Variants in CEP192 observed in about 807,000 individuals in gnomAD.
CEP192 encodes the protein centrosomal protein 192, also known as centrosomal protein of 192 kDa.
A neutral mutation model predicts 271.8 loss-of-function variants in CEP192; 151 were observed. That is an observed-to-expected ratio of 0.56 (90% confidence interval 0.49 to 0.64). The LOEUF is 0.64. Among genes scored for constraint, CEP192 ranks in the 30% least tolerant of loss-of-function variants. CEP192 has a pLI of 0.00. For missense variants in CEP192, 2,910 were observed against 3,020.5 expected (o/e 0.96, Z 0.86); for synonymous variants, 995 against 1,076.5 (o/e 0.92, Z 1.48).
chr18:13,076,945 G>A (rs1015731302), intron 30 of CEP192, among the ~76,000 whole-genome samples: 6 of 152,052 alleles, frequency 3.9e-5, no homozygotes, highest in Non-Finnish European at 8.8e-5. Context: ...CACCACACCC[G>A]GCTAATTTTT....
Position 13,057,590 on chromosome 18 carries a change from G to T in CEP192, c.4114G>T (p.Val1372Phe). 1.2e-6 allele frequency: 2 copies of T among 1,614,020 alleles called. No homozygotes were observed. Among genetic ancestry groups the T allele is most frequent in the Non-Finnish European group, 1.7e-6 (2 of 1,179,948 alleles). The change falls in exon 20 of 45, where the codon GTC becomes TTC. Residue 1372 changes from valine to phenylalanine, a missense_variant. Transcript: ENST00000506447. The part of the protein sequence containing the change: ...DSGVTSGLGS[V>F]RVPEELKLPH... ...TGTGCCTTATTCTCACCCAGGGAGT[G>T]TCCGAGTGCCCGAGGAGTTGAAGCT...
intron 40 of CEP192, among the ~76,000 whole-genome samples, chr18:13,105,787 C>A (rs1054778405): frequency 6.6e-6 from 1 of 152,144 alleles, no homozygotes; most frequent in African/African-American, 2.4e-5. Flanking sequence ...AGTTCATTCC[C>A]CAAACCACAA....
At position 13,030,380 on chromosome 18, in the gene CEP192, A is replaced by T. The variant is rs1470421150; in HGVS notation, c.1391-85A>T. On this transcript the variant is annotated intron_variant, in intron 10 of 44. Transcript: ENST00000506447. The stretch of plus-strand genomic sequence containing the variant: ...AGTACTGTTGATAACTAAGGTAGTC[A>T]TCTGAATTTAAAAAAAATTGAGAAT... 3 of 1,208,414 alleles carry T rather than the reference A, an allele frequency of 2.5e-6. No homozygotes were observed. In the African/African-American group the frequency reaches 4.6e-5, roughly 19 times the overall value. 74.9% of individuals were successfully genotyped at this position (1,208,414 alleles called of 1,614,324 possible). A position where few individuals can be genotyped will look rare whatever the true frequency, so the allele number is the denominator to read the frequency against.
At chr18:12,996,358 A>G (rs964861095) in intron 1 of CEP192, among the ~76,000 whole-genome samples, 2 of 151,814 alleles carry the variant, frequency 1.3e-5, no homozygotes, top group Non-Finnish European at 2.9e-5. Flanking sequence ...TAGGTGTTGG[A>G]GTTGTCATTT....
At position 13,018,537 on chromosome 18, in the gene CEP192, AT is replaced by A; in HGVS notation, c.850del (p.Ser284ProfsTer29). 6.5e-7 allele frequency: 1 copy of A among 1,541,988 alleles called. No homozygotes were observed. ...KFQSENNSSL[I>X]SLDSHSSETT... is the part of the protein sequence containing the mutation. ...TCAATCAGAAAATAACAGCTCTCTG[AT>A]TTCCCTCGACTCACACTCTTCTGAA... On this transcript the variant is annotated frameshift_variant, in exon 8 of 45. Transcript: ENST00000506447. LOFTEE classifies it high-confidence loss of function.
Position 13,089,475 on chromosome 18 carries a change from G to T in CEP192, c.6013G>T (p.Glu2005Ter). The T allele has an allele frequency of 6.3e-7, 1 of 1,594,338 alleles. No individual in the cohort carries two copies. The highest frequency in any genetic ancestry group is 8.6e-7 in the Non-Finnish European group (1 of 1,168,322). Reference protein sequence around the residue: ...QYRRALLHKPEMIKQILPEHS... With the variant: ...QYRRALLHKP ...TGGCAGGGCCCTGTTACATAAACCA[G>T]AGATGATAAAACAGATACTTCCAGA... The change falls in exon 33 of 45, where the codon GAG becomes TAG. Residue 2005 changes from glutamate to a stop codon, truncating the protein, a stop_gained. Transcript: ENST00000506447. LOFTEE classifies it high-confidence loss of function.
At chr18:13,000,828 C>G (rs1160061095) in intron 2 of CEP192, among the ~76,000 whole-genome samples, 1 of 152,186 alleles carries the variant, frequency 6.6e-6, no homozygotes, top group Non-Finnish European at 1.5e-5. Context: ...TGGCGCACGC[C>G]TCTAATCCCA....
intron 21 of CEP192, among the ~76,000 whole-genome samples, chr18:13,060,737 A>G (rs2037365191): frequency 6.6e-6 from 1 of 152,060 alleles, no homozygotes; most frequent in African/African-American, 2.4e-5. Context: ...AGCCTGGACA[A>G]CATAGTGAGA....
In CEP192 at chr18:13,096,293, A is replaced by G. The variant is rs1406104376; in HGVS notation, c.6543A>G (p.Gly2181=). 3 of 1,613,570 alleles carry G rather than the reference A, an allele frequency of 1.9e-6. No individual in the cohort carries two copies. The highest frequency in any genetic ancestry group is 4.5e-5 in the East Asian group (2 of 44,858). ...AHCLTVTPQH[G]CVAPESKLQI... is the part of the protein sequence containing the mutation. ...GCCTCACAGTCACGCCGCAGCATGG[A>G]TGTGTCGCGCCAGAGTAAGTCTGAC... The change falls in exon 36 of 45, where the codon GGA becomes GGG. Residue 2181 remains glycine, a synonymous_variant. Coordinates refer to ENST00000506447, the MANE Select transcript of CEP192 (RefSeq NM_032142.4).
chr18:13,064,032 G>A (rs2037554153), intron 21 of CEP192, among the ~76,000 whole-genome samples: 1 of 151,578 alleles, frequency 6.6e-6, no homozygotes, highest in Non-Finnish European at 1.5e-5. Context: ...TATTGGCCAG[G>A]CTGGTCTTGA....
intron 21 of CEP192, among the ~76,000 whole-genome samples, chr18:13,063,433 A>G (rs2037514857): frequency 6.6e-6 from 1 of 152,164 alleles, no homozygotes; most frequent in African/African-American, 2.4e-5. Flanking sequence ...ATGATATTTC[A>G]TTGTAGTTTT....
chr18:12,996,501 C>T (rs62095829), intron 1 of CEP192, among the ~76,000 whole-genome samples: 17,459 of 151,918 alleles, frequency 0.11, 1,171 homozygotes, highest in East Asian at 0.31. Context: ...ACCTGAGGTT[C>T]GGGGAAAGGC....
chr18:13,116,699 TC>T (rs1225721920), intron 43 of CEP192, among the ~76,000 whole-genome samples, 196 bp downstream of exon 43: 4 of 152,144 alleles, frequency 2.6e-5, no homozygotes, highest in Admixed American at 2.6e-4. Flanking sequence ...AAGCTCCACC[TC>T]CCGGGTTCAT....
chr18:13,070,931 T>C (rs565832), intron 27 of CEP192, 108 bp from the exon 28 acceptor site: 543,976 of 822,736 alleles, frequency 0.66, 183,174 homozygotes, highest in African/African-American at 0.89. Flanking sequence ...GGAATATCAT[T>C]GTATCCCCAG....
At chr18:13,046,976 T>C (rs1389797022) in intron 15 of CEP192, among the ~76,000 whole-genome samples, 1 of 152,204 alleles carries the variant, frequency 6.6e-6, no homozygotes, top group African/African-American at 2.4e-5. Context: ...TTTGAATGTA[T>C]TTTTTCATGT....
chr18:13,009,017 T>TG (rs2034167927), intron 4 of CEP192, among the ~76,000 whole-genome samples: 1 of 54,084 alleles, frequency 1.8e-5, no homozygotes, highest in African/African-American at 8.0e-5. Context: ...CCTTTTTGTT[T>TG]TTTTTTTTTT....
At chr18:13,068,279 T>G (rs368810572) in intron 23 of CEP192, 42 bp downstream of exon 23, 1 of 1,606,238 alleles carries the variant, frequency 6.2e-7, no homozygotes, top group African/African-American at 1.3e-5. Flanking sequence ...AAATTAAGCT[T>G]CTAAACCTCT....
At chr18:13,120,460 A>T (rs2040611146) in intron 44 of CEP192, among the ~76,000 whole-genome samples, 1 of 152,236 alleles carries the variant, frequency 6.6e-6, no homozygotes, top group Non-Finnish European at 1.5e-5. Flanking sequence ...ACAGCCCTGC[A>T]TTCCTGTGCA....
intron 35 of CEP192, 80 bp from the exon 36 acceptor site, chr18:13,096,104 T>G: frequency 1.4e-6 from 2 of 1,425,436 alleles, no homozygotes; most frequent in South Asian, 2.5e-5. Context: ...CTATTTAGGG[T>G]TCTGGTTTAT....
Sources: gnomAD v4.1 joint callset for allele counts (sites outside exome capture counted in the v4.1 genomes callset) on GRCh38, gnomAD v4.1.1 for gene constraint, MANE v1.5 for transcripts, NCBI Gene and HGNC (gene_info 2026-07-23, HGNC 2026-07-21) for gene names.